Variants in PCDHGA7 observed in about 807,000 individuals in gnomAD.
The protein encoded by PCDHGA7 is protocadherin gamma subfamily A, 7, also known as protocadherin gamma-A7.
In PCDHGA7, 44 loss-of-function variants were observed where a neutral mutation model predicts 58.3. The observed-to-expected ratio is 0.75, with a 90% CI of 0.59 to 0.97. PCDHGA7 has a LOEUF of 0.97. Ranked by LOEUF, PCDHGA7 falls within the 50% of genes least tolerant of loss-of-function variation. The pLI is 0.00. For synonymous variants in PCDHGA7, 516 were observed against 504.2 expected (o/e 1.02, Z -0.31); for missense variants, 1,266 against 1,188.7 (o/e 1.06, Z -0.96).
At chr5:141,433,546 T>C (rs1317735935) in intron 1 of PCDHGA7, among the ~76,000 whole-genome samples, 1 of 152,090 alleles carries the variant, frequency 6.6e-6, no homozygotes, top group Non-Finnish European at 1.5e-5. Context: ...TATCAGATAT[T>C]CTTTTCTGGC....
Position 141,489,515 on chromosome 5 carries a change from G to C in PCDHGA7, c.2425-5292G>C, listed in dbSNP as rs983415025. On this transcript the variant is annotated intron_variant, in intron 1 of 3. Coordinates refer to ENST00000518325, the MANE Select transcript of PCDHGA7 (RefSeq NM_018920.4). The surrounding 1 kb of genome is among the most constrained non-coding windows in gnomAD (Gnocchi z 4.5). ...CTGGCAGTGAATCAAAAGATTGACC[G>C]AGAAAGCCTATGTGGAGCCAGCACC... 1 of 1,614,104 alleles carries C rather than the reference G, an allele frequency of 6.2e-7. No individual in the cohort carries two copies. The highest frequency in any genetic ancestry group is 8.5e-7 in the Non-Finnish European group (1 of 1,180,034).
chr5:141,410,269 G>A, intron 1 of PCDHGA7: 1 of 1,614,060 alleles, frequency 6.2e-7, no homozygotes, highest in Non-Finnish European at 8.5e-7. Flanking sequence ...CTGAACTGCA[G>A]TTTTACCTGG....
chr5:141,419,632 G>A (rs1210031265), intron 1 of PCDHGA7: 1 of 1,612,432 alleles, frequency 6.2e-7, no homozygotes, highest in Admixed American at 1.7e-5. Flanking sequence ...TGACCAAGGT[G>A]GTGGCCGTGG....
chr5:141,505,676 C>A (rs1308943385), intron 3 of PCDHGA7, among the ~76,000 whole-genome samples, 195 bp downstream of exon 3: 1 of 152,060 alleles, frequency 6.6e-6, no homozygotes, highest in South Asian at 2.1e-4. Context: ...GGTTGGGGGT[C>A]CTGGGATGCC....
At position 141,485,566 on chromosome 5, in the gene PCDHGA7, C is replaced by T. The variant is rs768144422; in HGVS notation, c.2425-9241C>T. The T allele has an allele frequency of 6.2e-7, 1 of 1,612,926 alleles. No homozygotes were observed. Among genetic ancestry groups the T allele is most frequent in the African/African-American group, 1.3e-5 (1 of 75,016 alleles). ...TCGTAGATGTGAATGATCACGCCCC[C>T]CGTTTTCCGCGGCAGCAGCTGGACT... On this transcript the variant is annotated intron_variant, in intron 1 of 3. Transcript: ENST00000518325. The surrounding 1 kb of genome is among the most constrained non-coding windows in gnomAD (Gnocchi z 5.7).
chr5:141,388,826 CAT>C, intron 1 of PCDHGA7: 1 of 1,613,864 alleles, frequency 6.2e-7, no homozygotes, highest in Non-Finnish European at 8.5e-7. Flanking sequence ...AAGAATATTC[CAT>C]AGTTTTGGAA....
chr5:141,384,714 A>T lies in PCDHGA7; in HGVS notation c.1815A>T (p.Ser605=), dbSNP rs750526941. 4.3e-6 allele frequency: 7 copies of T among 1,614,076 alleles called. No homozygotes were observed. The highest frequency in any genetic ancestry group is 5.9e-6 in the Non-Finnish European group (7 of 1,180,034). Residue 605 remains serine, a synonymous_variant, in exon 1 of 4, where the codon TCA becomes TCT. Transcript: ENST00000518325. The part of the protein sequence containing the change: ...DKDSGQNAWL[S]YLLLKASEPG... ...ATTCAGGCCAGAACGCCTGGCTGTC[A>T]TACCTCCTGCTTAAGGCCAGCGAGC...
At chr5:141,389,896 C>T (rs1398944326) in intron 1 of PCDHGA7, 1 of 1,614,076 alleles carries the variant, frequency 6.2e-7, no homozygotes, top group Non-Finnish European at 8.5e-7. Flanking sequence ...GAGGTGCTGC[C>T]GGATATCACT....
chr5:141,481,646 C>T (rs1425216422), intron 1 of PCDHGA7, among the ~76,000 whole-genome samples: 1 of 151,950 alleles, frequency 6.6e-6, no homozygotes, highest in African/African-American at 2.4e-5. Flanking sequence ...GGTGAAACTT[C>T]ATCTCTACTA....
At chr5:141,422,344 C>A in intron 1 of PCDHGA7, 1 of 1,550,890 alleles carries the variant, frequency 6.4e-7, no homozygotes, top group Non-Finnish European at 8.7e-7. Flanking sequence ...TCTAAATGTG[C>A]AAGATCAAGA....
In PCDHGA7 at chr5:141,432,725, G is replaced by T; in HGVS notation, c.2424+47402G>T. The T allele has an allele frequency of 6.2e-7, 1 of 1,614,014 alleles. No individual in the cohort carries two copies. On this transcript the variant is annotated intron_variant, in intron 1 of 3. Coordinates refer to ENST00000518325, the MANE Select transcript of PCDHGA7 (RefSeq NM_018920.4). The surrounding 1 kb of genome is among the most constrained non-coding windows in gnomAD (Gnocchi z 6.0). ...GGACCACGGCCAGCCCCCTCTCTCC[G>T]CCACTGTCACGCTCACCGTGGCCGT...
chr5:141,436,635 A>G (rs953396225), intron 1 of PCDHGA7, among the ~76,000 whole-genome samples: 8 of 152,184 alleles, frequency 5.3e-5, no homozygotes, highest in African/African-American at 1.9e-4. Context: ...ACAACATGCA[A>G]TTAATTAACA....
chr5:141,433,208 C>CTTTT, intron 1 of PCDHGA7: 1 of 1,293,074 alleles, frequency 7.7e-7, no homozygotes, highest in African/African-American at 1.5e-5. Flanking sequence ...AATCTTCTTT[C>CTTTT]TTTTTTTTTT....
chr5:141,509,577 C>G (rs569743928), intron 3 of PCDHGA7, among the ~76,000 whole-genome samples: 2 of 152,320 alleles, frequency 1.3e-5, no homozygotes, highest in African/African-American at 2.4e-5. Context: ...ACAGTGCGTA[C>G]AAATCAGCTG....
At chr5:141,403,416 C>T in intron 1 of PCDHGA7, 1 of 1,614,034 alleles carries the variant, frequency 6.2e-7, no homozygotes, top group Non-Finnish European at 8.5e-7. Context: ...TATCCACTTC[C>T]AGAAGCTATT....
Position 141,419,737 on chromosome 5 carries a change from G to A in PCDHGA7, c.2424+34414G>A, listed in dbSNP as rs201663350. 29 of 1,613,836 alleles carry A rather than the reference G, an allele frequency of 1.8e-5. No individual in the cohort carries two copies. In the African/African-American group the frequency reaches 3.6e-4, roughly 20 times the overall value. ...GCCTGGGGCTGCGAACAGGCGAGGTGCGCATGGTGCGTGCTTTGGGTGACA... is the reference window on the plus strand; with the variant it reads ...GCCTGGGGCTGCGAACAGGCGAGGTACGCATGGTGCGTGCTTTGGGTGACA... On this transcript the variant is annotated intron_variant, in intron 1 of 3. Transcript: ENST00000518325.
At chr5:141,400,014 C>T (rs2093941558) in intron 1 of PCDHGA7, 1 of 1,612,662 alleles carries the variant, frequency 6.2e-7, no homozygotes, top group Non-Finnish European at 8.5e-7. Flanking sequence ...GTGCCTTGGG[C>T]GACAGGGACG....
At chr5:141,394,783 C>A in intron 1 of PCDHGA7, 7 of 1,613,732 alleles carry the variant, frequency 4.3e-6, no homozygotes, top group Non-Finnish European at 5.9e-6. Flanking sequence ...CTCTCCGCCA[C>A]TGTCACGCTC....
intron 1 of PCDHGA7, chr5:141,412,667 AC>A (rs1385712050): frequency 6.6e-6 from 1 of 152,284 alleles, no homozygotes; most frequent in Non-Finnish European, 1.5e-5. Flanking sequence ...CACTAATATG[AC>A]CTAAAATAAG....
Sources: allele counts gnomAD v4.1 joint callset (sites outside exome capture counted in the v4.1 genomes callset), GRCh38; gene constraint gnomAD v4.1.1; non-coding constraint Gnocchi (gnomAD v3.1); transcripts MANE v1.5; gene names NCBI Gene and HGNC (gene_info 2026-07-23, HGNC 2026-07-21).